Variants in TMTC1 observed in about 807,000 individuals in gnomAD.
TMTC1 encodes the protein transmembrane O-mannosyltransferase targeting cadherins 1.
Under a neutral mutation model 104.8 loss-of-function variants are expected in TMTC1, and 73 were observed. The ratio of observed to expected loss-of-function variants is 0.70; its 90% CI spans 0.58 to 0.85. The LOEUF (loss-of-function observed/expected upper bound fraction) is 0.85. Among genes scored for constraint, TMTC1 ranks in the 40% least tolerant of loss-of-function variants. The pLI is 0.00. For missense variants in TMTC1, 1,035 were observed against 1,096.1 expected, an observed-to-expected ratio of 0.94 and a Z score of 0.79; for synonymous variants, 434 against 428.7, an observed-to-expected ratio of 1.01 and a Z score of -0.15.
chr12:29,695,793 TTATATATATA>T (rs113135039), intron 5 of TMTC1, among the ~76,000 whole-genome samples: 67 of 83,806 alleles, frequency 8.0e-4, no homozygotes, highest in Admixed American at 1.4e-3. Flanking sequence ...TACTTCCTTT[TTATATATATA>T]TATATATATA....
intron 11 of TMTC1, among the ~76,000 whole-genome samples, chr12:29,530,983 C>CCCACAA (rs1944486669): frequency 6.6e-6 from 1 of 152,172 alleles, no homozygotes; most frequent in South Asian, 2.1e-4. Flanking sequence ...ATATTCCTCT[C>CCCACAA]CCACATTAGG....
intron 9 of TMTC1, among the ~76,000 whole-genome samples, chr12:29,571,573 C>A (rs984863110): frequency 1.5e-5 from 2 of 130,276 alleles, no homozygotes; most frequent in African/African-American, 6.3e-5. Flanking sequence ...AATGTTAATA[C>A]ACACACACAT....
At chr12:29,784,107 G>A (rs1420908825), upstream of TMTC1, among the ~76,000 whole-genome samples, 1 of 150,960 alleles carries the variant, frequency 6.6e-6, no homozygotes, top group Non-Finnish European at 1.5e-5. Flanking sequence ...GTGGACCGGG[G>A]TTCGCGGCGC....
At position 29,617,533 on chromosome 12, in the gene TMTC1, CAACAGA is replaced by C. The variant is rs1236653429; in HGVS notation, c.1129-13240_1129-13235del. On this transcript the variant is annotated intron_variant, in intron 6 of 17. Transcript: ENST00000539277. ...GGAAAACATCAGTAAGCAAAACAGACAACAGAGAGAGAGAGAGAGAGAGAGAGAGAG... is the reference window on the plus strand; with the variant it reads ...GGAAAACATCAGTAAGCAAAACAGACGAGAGAGAGAGAGAGAGAGAGAGAG... Among the ~76,000 whole-genome samples, 113 of 120,414 alleles carry C rather than the reference CAACAGA, an allele frequency of 9.4e-4. 1 individual carries two copies. The highest frequency in any genetic ancestry group is 2.9e-3 in the African/African-American group (88 of 30,678). The allele number at this position is 120,414 out of a possible 152,430, so 79.0% of individuals were successfully genotyped here. A position where few individuals can be genotyped will look rare whatever the true frequency, so the allele number is the denominator to read the frequency against.
intron 9 of TMTC1, among the ~76,000 whole-genome samples, chr12:29,565,279 C>A (rs948515509): frequency 2.0e-5 from 3 of 152,146 alleles, no homozygotes; most frequent in Non-Finnish European, 4.4e-5. Context: ...GGATAATCTG[C>A]TTTACTCAAA....
intron 5 of TMTC1, among the ~76,000 whole-genome samples, chr12:29,738,600 C>A (rs1401340668): frequency 2.0e-5 from 3 of 152,202 alleles, no homozygotes; most frequent in African/African-American, 7.2e-5. Flanking sequence ...AAGCAATTAT[C>A]TGCTCTAGTA....
intron 10 of TMTC1, among the ~76,000 whole-genome samples, chr12:29,548,844 A>ATATT (rs1945014881): frequency 2.1e-4 from 11 of 51,682 alleles, no homozygotes; most frequent in South Asian, 1.6e-3. Context: ...TCACTTATCT[A>ATATT]AAATATATAA....
At chr12:29,688,052 T>C (rs1034719003) in intron 5 of TMTC1, among the ~76,000 whole-genome samples, 1 of 152,128 alleles carries the variant, frequency 6.6e-6, no homozygotes, top group Non-Finnish European at 1.5e-5. Flanking sequence ...CTGAAACATT[T>C]AGGAGGAAAG....
chr12:29,721,279 T>TATTTACTGACACATTGAATA (rs1942230890), intron 5 of TMTC1, among the ~76,000 whole-genome samples: 1 of 152,128 alleles, frequency 6.6e-6, no homozygotes, highest in African/African-American at 2.4e-5. Flanking sequence ...AGATCTACTG[T>TATTTACTGACACATTGAATA]ATTTACTGAC....
rs1461386046 is a variant in TMTC1, at chr12:29,783,208, A to G, written c.302+242T>C. ...AGAGAAGCCCGCTGAGAGGGCAGAC[A>G]GTTGAGAAACTCGATCCCAACTCCC... On this transcript the variant is annotated intron_variant, in intron 1 of 17. Transcript: ENST00000539277. The surrounding 1 kb of genome is among the most constrained non-coding windows in gnomAD (Gnocchi z 4.7). Among the ~76,000 whole-genome samples the G allele has an allele frequency of 1.3e-5, 2 of 152,208 alleles. No individual in the cohort carries two copies. The highest frequency in any genetic ancestry group is 2.9e-5 in the Non-Finnish European group (2 of 68,038).
chr12:29,630,307 A>AGGAAGCAGGGACCTTG (rs1938230619), intron 6 of TMTC1, among the ~76,000 whole-genome samples: 1 of 152,214 alleles, frequency 6.6e-6, no homozygotes, highest in Non-Finnish European at 1.5e-5. Context: ...GAAGGTAAAG[A>AGGAAGCAGGGACCTTG]GGAAGCAGGG....
intron 7 of TMTC1, among the ~76,000 whole-genome samples, chr12:29,588,471 G>T (rs1013311473): frequency 6.6e-6 from 1 of 152,178 alleles, no homozygotes; most frequent in Non-Finnish European, 1.5e-5. Context: ...ACTGAGCAGG[G>T]CATCCTATGA....
chr12:29,708,672 T>TG (rs1208863029), intron 5 of TMTC1, among the ~76,000 whole-genome samples: 1 of 152,190 alleles, frequency 6.6e-6, no homozygotes, highest in East Asian at 1.9e-4. Flanking sequence ...TGGGAAAACT[T>TG]GCGTTTGTTA....
intron 5 of TMTC1, among the ~76,000 whole-genome samples, chr12:29,711,354 A>G (rs1223100620): frequency 6.6e-6 from 1 of 152,152 alleles, no homozygotes; most frequent in African/African-American, 2.4e-5. Context: ...GGAAAGGGAG[A>G]CTATAAGGGA....
At chr12:29,722,389 C>T (rs898561019) in intron 5 of TMTC1, among the ~76,000 whole-genome samples, 5 of 152,048 alleles carry the variant, frequency 3.3e-5, no homozygotes, top group African/African-American at 1.2e-4. Flanking sequence ...TGTTAAAAGC[C>T]GTACTCTGTG....
At chr12:29,751,984 T>C (rs1592010892) in intron 4 of TMTC1, 112 bp from the exon 5 acceptor site, 5 of 954,794 alleles carry the variant, frequency 5.2e-6, no homozygotes, top group Non-Finnish European at 7.6e-6. Flanking sequence ...GAAACAACCA[T>C]TCTCAAGTCT....
At chr12:29,773,574 A>C (rs1400586489) in intron 1 of TMTC1, among the ~76,000 whole-genome samples, 3 of 152,166 alleles carry the variant, frequency 2.0e-5, no homozygotes, top group African/African-American at 7.2e-5. Context: ...AAACTGGGTA[A>C]GACATCATGA....
rs750664526 is a variant in TMTC1 at position 29,765,662 on chromosome 12, ATAAT to A, written c.480+2232_480+2235del. Among the ~76,000 whole-genome samples, 85 of 152,306 alleles carry A rather than the reference ATAAT, an allele frequency of 5.6e-4. No homozygotes were observed. In the Middle Eastern group the frequency reaches 0.01, roughly 18 times the overall value. ...TCATAAATAAAACAGAAAATGATAA[ATAAT>A]TAATAAATATAAAAAATCACCTCTT... is the stretch of plus-strand genomic sequence containing the variant. On this transcript the variant is annotated intron_variant, in intron 2 of 17. Transcript: ENST00000539277.
At chr12:29,624,958 GA>G (rs1318655582) in intron 6 of TMTC1, among the ~76,000 whole-genome samples, 1 of 152,110 alleles carries the variant, frequency 6.6e-6, no homozygotes, top group Non-Finnish European at 1.5e-5. Context: ...ATCTTTCCAT[GA>G]ATCTCTGGAC....
Sources: gnomAD v4.1 joint callset for allele counts (sites outside exome capture counted in the v4.1 genomes callset) on GRCh38, gnomAD v4.1.1 for gene constraint, Gnocchi (gnomAD v3.1) non-coding constraint, MANE v1.5 for transcripts, NCBI Gene and HGNC (gene_info 2026-07-23, HGNC 2026-07-21) for gene names.